Variants in GPBP1L1 observed in about 807,000 individuals in gnomAD.
GPBP1L1 encodes GC-rich promoter binding protein 1 like 1.
GPBP1L1 carries 23 observed loss-of-function variants against 52.5 expected under a neutral mutation model. That is an observed-to-expected ratio of 0.44 (90% CI 0.32 to 0.62). The LOEUF is 0.62. Ranked by LOEUF, GPBP1L1 falls within the 20% of genes least tolerant of loss-of-function variation. The pLI is 0.06. For missense variants in GPBP1L1, 596 were observed against 579.3 expected (o/e 1.03, Z -0.30); for synonymous variants, 243 against 203.1 (o/e 1.20, Z -1.67).
chr1:45,667,046 T>C (rs1645018449), intron 2 of GPBP1L1, among the ~76,000 whole-genome samples: 2 of 152,152 alleles, frequency 1.3e-5, no homozygotes, highest in South Asian at 4.1e-4. Flanking sequence ...GAGGAGGGAA[T>C]GGGGTGTGAC....
intron 6 of GPBP1L1, among the ~76,000 whole-genome samples, chr1:45,653,175 C>T (rs1342990688): frequency 6.6e-6 from 1 of 152,132 alleles, no homozygotes; most frequent in African/African-American, 2.4e-5. Context: ...AAATTTCACT[C>T]CTCTTTAGGT....
chr1:45,628,453 T>C, intron 12 of GPBP1L1, 45 bp from the exon 13 acceptor site: 1 of 1,582,450 alleles, frequency 6.3e-7, no homozygotes, highest in Non-Finnish European at 8.6e-7. Context: ...AAAATATCAA[T>C]GACTGTACTG....
chr1:45,640,142 T>C, intron 8 of GPBP1L1, 68 bp downstream of exon 8: 1 of 1,292,264 alleles, frequency 7.7e-7, no homozygotes, highest in Non-Finnish European at 1.1e-6. Context: ...AACAAATTTA[T>C]TAATTTTTTC....
intron 5 of GPBP1L1, 42 bp from the exon 6 acceptor site, chr1:45,654,871 C>A (rs763194089): frequency 1.3e-6 from 2 of 1,579,174 alleles, no homozygotes; most frequent in South Asian, 1.2e-5. Context: ...TGTTTGCTTC[C>A]TGATTTGGTT....
intron 2 of GPBP1L1, among the ~76,000 whole-genome samples, chr1:45,678,307 T>C (rs979204011): frequency 1.3e-5 from 2 of 152,230 alleles, no homozygotes; most frequent in African/African-American, 4.8e-5. Flanking sequence ...TACAGCTCAA[T>C]GAAGCTATTC....
At chr1:45,688,104 A>G (rs1260945325), upstream of GPBP1L1, 1 of 152,174 alleles carries the variant, frequency 6.6e-6, no homozygotes, top group Non-Finnish European at 1.5e-5. Context: ...GGGCCTAGGA[A>G]CCAATTAGCG....
At chr1:45,630,691 C>A (rs551361636) in intron 10 of GPBP1L1, 85 bp from the exon 11 acceptor site, 14 of 1,466,682 alleles carry the variant, frequency 9.5e-6, no homozygotes, top group South Asian at 6.5e-5. Flanking sequence ...GGACTCACGA[C>A]CCAGGAAGTG....
intron 6 of GPBP1L1, 86 bp from the exon 7 acceptor site, chr1:45,642,585 T>C: frequency 1.1e-6 from 1 of 905,372 alleles, no homozygotes; most frequent in Non-Finnish European, 1.8e-6. Flanking sequence ...ATGGAACCTA[T>C]CAAATAATTA....
intron 2 of GPBP1L1, among the ~76,000 whole-genome samples, chr1:45,681,289 T>C (rs941136817): frequency 1.3e-5 from 2 of 152,168 alleles, no homozygotes; most frequent in Non-Finnish European, 2.9e-5. Flanking sequence ...TTCTCAGTCT[T>C]CTCTATCTCC....
chr1:45,643,777 C>A (rs1340161862), intron 6 of GPBP1L1, among the ~76,000 whole-genome samples: 1 of 143,260 alleles, frequency 7.0e-6, no homozygotes, highest in Non-Finnish European at 1.5e-5. Context: ...TCAAGCAATT[C>A]TCCTGTCTCA....
intron 2 of GPBP1L1, among the ~76,000 whole-genome samples, chr1:45,670,707 G>GT (rs1569868464): frequency 6.8e-6 from 1 of 147,692 alleles, no homozygotes; most frequent in East Asian, 2.0e-4. Flanking sequence ...ATCATAAATT[G>GT]TTTCTATATA....
At chr1:45,670,363 G>C (rs1433441583) in intron 2 of GPBP1L1, among the ~76,000 whole-genome samples, 1 of 152,148 alleles carries the variant, frequency 6.6e-6, no homozygotes, top group East Asian at 1.9e-4. Flanking sequence ...GATTATATGA[G>C]TTGCAAATAC....
At chr1:45,647,328 C>T (rs1264820261) in intron 6 of GPBP1L1, among the ~76,000 whole-genome samples, 3 of 152,058 alleles carry the variant, frequency 2.0e-5, no homozygotes, top group Non-Finnish European at 2.9e-5. Flanking sequence ...CCTTTCCTTT[C>T]GTCTCTACTA....
chr1:45,683,079 T>C (rs1645230568), intron 2 of GPBP1L1, among the ~76,000 whole-genome samples: 2 of 151,760 alleles, frequency 1.3e-5, no homozygotes, highest in South Asian at 2.1e-4. Context: ...TTAGTTGGAA[T>C]CCTTTAAAAT....
chr1:45,645,788 A>ATGTTTTT (rs1644737114), intron 6 of GPBP1L1: 1 of 285,642 alleles, frequency 3.5e-6, no homozygotes, highest in Admixed American at 5.1e-5. Context: ...TTTTTGAGGC[A>ATGTTTTT]TTTTATTTGT....
intron 2 of GPBP1L1, among the ~76,000 whole-genome samples, chr1:45,675,126 G>A (rs958205656): frequency 2.0e-5 from 3 of 151,842 alleles, no homozygotes; most frequent in African/African-American, 4.8e-5. Context: ...GTGAAATCCC[G>A]TCTCTACTAA....
At chr1:45,648,701 T>C (rs1003316754) in intron 6 of GPBP1L1, among the ~76,000 whole-genome samples, 3 of 152,260 alleles carry the variant, frequency 2.0e-5, no homozygotes, top group African/African-American at 7.2e-5. Flanking sequence ...TCCTCAACTC[T>C]ACTTGCTTTG....
rs917302264 is a variant in GPBP1L1 at position 45,640,416 on chromosome 1, A to G, written c.551-13T>C. 4.4e-6 allele frequency: 7 copies of G among 1,604,566 alleles called. No homozygotes were observed. In the African/African-American group the frequency reaches 6.7e-5, roughly 15 times the overall value. ...CTAGGCGGGTTTTCTGTGAAGTACA[A>G]GAGTGGAGAGACAACAGAATGTCAA... On this transcript the variant is annotated splice_polypyrimidine_tract_variant and intron_variant, in intron 7 of 12. Coordinates refer to ENST00000355105, the MANE Select transcript of GPBP1L1 (RefSeq NM_021639.5).
intron 4 of GPBP1L1, 108 bp from the exon 5 acceptor site, chr1:45,655,427 T>C (rs765691770): frequency 7.1e-5 from 87 of 1,233,958 alleles, no homozygotes; most frequent in Non-Finnish European, 9.4e-5. Flanking sequence ...ATAATGGTGA[T>C]AGAAACTCAT....
Sources: gnomAD v4.1 joint callset for allele counts (sites outside exome capture counted in the v4.1 genomes callset) on GRCh38, gnomAD v4.1.1 for gene constraint, MANE v1.5 for transcripts, NCBI Gene and HGNC (gene_info 2026-07-23, HGNC 2026-07-21) for gene names.